SYP: variants seen among roughly 807,000 people sequenced by gnomAD.
The protein encoded by SYP is major synaptic vesicle protein P38.
In SYP, 2 loss-of-function variants were observed where a neutral mutation model predicts 24.3. That is an observed-to-expected ratio of 0.08 (90% CI 0.03 to 0.26). SYP has a LOEUF of 0.26. Ranked by LOEUF, SYP falls within the 10% of genes least tolerant of loss-of-function variation. The pLI, the probability that SYP is intolerant of heterozygous loss-of-function variation, is 1.00. For synonymous variants in SYP, 143 were observed against 123.2 expected (o/e 1.16, Z -1.07); for missense variants, 216 against 266.3 (o/e 0.81, Z 1.32).
rs1557103139 is a variant in SYP at position 49,194,192 on chromosome X, G to T, written c.397C>A (p.Arg133=). 1 of 1,211,406 alleles carries T rather than the reference G, an allele frequency of 8.3e-7. No individual in the cohort carries two copies. Among genetic ancestry groups the T allele is most frequent in the Admixed American group, 2.2e-5 (1 of 45,984 alleles). The change falls in exon 4 of 7, where the codon CGA becomes AGA. Residue 133 remains arginine, a synonymous_variant. Coordinates refer to ENST00000263233, the MANE Select transcript of SYP (RefSeq NM_003179.3). ...ATYIFLQNKY[R]ENNKGPMLDF... ...AGCATGGGCCCTTTGTTATTCTCTC[G>T]GTACTTGTTCTGCAGGAAGATGTAG...
chrX:49,198,862 C>T, intron 2 of SYP, 106 bp downstream of exon 2: 2 of 938,058 alleles, frequency 2.1e-6, no homozygotes, highest in Admixed American at 2.6e-5. Context: ...CCTACAACCC[C>T]CGCACTCATC....
intron 5 of SYP, 89 bp from the exon 6 acceptor site, chrX:49,191,852 T>G (rs1213238352): frequency 1.0e-6 from 1 of 1,001,172 alleles, no homozygotes; most frequent in African/African-American, 1.9e-5. Context: ...AATGAATCCG[T>G]AGGCTCCGCA....
At chrX:49,191,116 C>T (rs1442101684) in intron 6 of SYP, 5 of 360,080 alleles carry the variant, frequency 1.4e-5, no homozygotes, top group Non-Finnish European at 2.5e-5. Flanking sequence ...CTGCGCAAGT[C>T]CCCCGATATT....
At chrX:49,199,119 G>A in intron 1 of SYP, 86 bp from the exon 2 acceptor site, 1 of 950,780 alleles carries the variant, frequency 1.1e-6, no homozygotes, top group Non-Finnish European at 1.5e-6. Flanking sequence ...TGACCCCAGG[G>A]GATGGAGCAT....
intron 1 of SYP, 34 bp downstream of exon 1, chrX:49,200,117 C>T: frequency 1.7e-6 from 2 of 1,163,711 alleles, no homozygotes; most frequent in East Asian, 3.3e-5. Flanking sequence ...AGCCGGGCGG[C>T]GGCGGGCTCT....
At chrX:49,189,356 TA>T (rs1240301043) in intron 6 of SYP, 74 bp from the exon 7 acceptor site, 1 of 109,625 alleles carries the variant, frequency 9.1e-6, no homozygotes, top group Non-Finnish European at 1.9e-5. Context: ...GTTGGGCTGT[TA>T]TGCCTTTGTC....
chrX:49,195,183 T>A (rs782396967), intron 3 of SYP, among the ~76,000 whole-genome samples: 1 of 111,052 alleles, frequency 9.0e-6, no homozygotes, highest in South Asian at 3.9e-4. Flanking sequence ...TATTTTTTTT[T>A]TTTTTAATCT....
At chrX:49,193,157 A>G (rs1354428752) in intron 5 of SYP, 115 bp downstream of exon 5, 1 of 889,067 alleles carries the variant, frequency 1.1e-6, no homozygotes, top group African/African-American at 2.0e-5. Flanking sequence ...CGCGTTCTTC[A>G]GGGACACCCC....
At chrX:49,192,765 C>G (rs782479580) in intron 5 of SYP, among the ~76,000 whole-genome samples, 2 of 111,885 alleles carry the variant, frequency 1.8e-5, no homozygotes, top group African/African-American at 6.5e-5. Flanking sequence ...TCTGAGCACT[C>G]CGTATTCTTA....
chrX:49,200,139 T>A lies in SYP; in HGVS notation c.36+12A>T, dbSNP rs1557103800. 1 of 1,165,888 alleles carries A rather than the reference T, an allele frequency of 8.6e-7. No individual in the cohort carries two copies. On this transcript the variant is annotated intron_variant, in intron 1 of 6. Coordinates refer to ENST00000263233, the MANE Select transcript of SYP (RefSeq NM_003179.3). ...CGGCGGCGGGCTCTGTCCACGGTGC[T>A]GGAGCGCGTACCTGATTCACCACGT...
At chrX:49,194,501 A>G in intron 3 of SYP, 140 bp from the exon 4 acceptor site, 1 of 569,548 alleles carries the variant, frequency 1.8e-6, no homozygotes, top group Non-Finnish European at 2.8e-6. Context: ...ACTATGTACC[A>G]GTCACATTTC....
intron 6 of SYP, among the ~76,000 whole-genome samples, chrX:49,190,213 T>TC (rs1209413960): frequency 9.2e-6 from 1 of 109,232 alleles, no homozygotes; most frequent in African/African-American, 3.3e-5. Flanking sequence ...AGAGTCTCGC[T>TC]CTGTTGCCCA....
chrX:49,191,652 G>T lies in SYP; in HGVS notation c.727C>A (p.Gln243Lys), dbSNP rs782125225. ...LRAPPGAPEKQPAPGDAYGDA... is the reference protein window; with the variant it reads ...LRAPPGAPEKKPAPGDAYGDA... ...CCGTAGGCGTCCCCGGGTGCCGGTT[G>T]TTTCTCGGGGGCGCCGGGAGGCGCG... The change falls in exon 6 of 7, where the codon CAA (glutamine) becomes AAA (lysine). Residue 243 changes from glutamine to lysine, a missense_variant. Coordinates refer to ENST00000263233, the MANE Select transcript of SYP (RefSeq NM_003179.3). The T allele has an allele frequency of 8.3e-7, 1 of 1,206,341 alleles. No individual in the cohort carries two copies. Among genetic ancestry groups the T allele is most frequent in the Non-Finnish European group, 1.1e-6 (1 of 892,557 alleles).
intron 1 of SYP, 185 bp from the exon 2 acceptor site, chrX:49,199,218 A>C: frequency 2.1e-6 from 1 of 471,294 alleles, no homozygotes; most frequent in Non-Finnish European, 3.8e-6. Flanking sequence ...GAAGGTCTGA[A>C]GAGATGGTGA....
chrX:49,194,467 G>C, intron 3 of SYP, 106 bp from the exon 4 acceptor site: 10 of 779,834 alleles, frequency 1.3e-5, no homozygotes, highest in South Asian at 2.4e-5. Flanking sequence ...GGAAGAGGAG[G>C]AAATAACCAT....
chrX:49,191,982 G>A (rs1159621816), intron 5 of SYP, among the ~76,000 whole-genome samples: 2 of 112,134 alleles, frequency 1.8e-5, no homozygotes, highest in African/African-American at 6.5e-5. Flanking sequence ...GGGATGCTGC[G>A]ATCTATCAGT....
intron 6 of SYP, 107 bp from the exon 7 acceptor site, chrX:49,189,389 T>G: frequency 9.1e-6 from 1 of 110,468 alleles, no homozygotes; most frequent in Non-Finnish European, 1.9e-5. Flanking sequence ...TCTTTTCTTC[T>G]TTCCTGGAGC....
intron 3 of SYP, among the ~76,000 whole-genome samples, 179 bp from the exon 4 acceptor site, chrX:49,194,540 T>G (rs1430877806): frequency 9.0e-6 from 1 of 110,650 alleles, no homozygotes; most frequent in Non-Finnish European, 1.9e-5. Flanking sequence ...CCTGGTGAGA[T>G]AGGTGTTATT....
At position 49,200,146 on chromosome X, in the gene SYP, C is replaced by G. The variant is rs1221033879; in HGVS notation, c.36+5G>C. 2.6e-6 allele frequency: 3 copies of G among 1,164,516 alleles called. No individual in the cohort carries two copies. Among genetic ancestry groups the G allele is most frequent in the Non-Finnish European group, 3.4e-6 (3 of 871,912 alleles). On this transcript the variant is annotated splice_donor_5th_base_variant and intron_variant, in intron 1 of 6. Transcript: ENST00000263233. The stretch of plus-strand genomic sequence containing the variant: ...GGGCTCTGTCCACGGTGCTGGAGCG[C>G]GTACCTGATTCACCACGTCCATGTC...
Sources: allele counts gnomAD v4.1 joint callset (sites outside exome capture counted in the v4.1 genomes callset), GRCh38; gene constraint gnomAD v4.1.1; transcripts MANE v1.5; gene names NCBI Gene and HGNC (gene_info 2026-07-23, HGNC 2026-07-21).